PTPRN2: variants seen among roughly 807,000 people sequenced by gnomAD.
PTPRN2 encodes protein tyrosine phosphatase receptor type N2, also known as receptor-type tyrosine-protein phosphatase N2.
In PTPRN2, 74 loss-of-function variants were observed where a neutral mutation model predicts 118.8. That is an observed-to-expected ratio of 0.62 (90% confidence interval 0.52 to 0.76). PTPRN2 has a LOEUF of 0.76. PTPRN2 is among the 30% of genes least tolerant of loss of function. PTPRN2 has a pLI of 0.00. For missense variants in PTPRN2, 1,481 were observed against 1,394.4 expected, an observed-to-expected ratio of 1.06 and a Z score of -0.99; for synonymous variants, 641 against 608.0, an observed-to-expected ratio of 1.05 and a Z score of -0.80.
In PTPRN2 at chr7:157,990,784, G is replaced by A. The variant is rs137972377; in HGVS notation, c.1723+90514C>T. 0.014 allele frequency among the ~76,000 whole-genome samples: 2,084 copies of A among 152,212 alleles called. 46 individuals are homozygous for A. The highest frequency in any genetic ancestry group is 0.047 in the African/African-American group (1,947 of 41,530). On this transcript the variant is annotated intron_variant, in intron 11 of 22. Transcript: ENST00000389418. This position sits in a 1 kb window ranked among gnomAD's most constrained non-coding sequence, Gnocchi z 4.3. ...TGTCACCGAGCTTCCCTCCGATACA[G>A]TGGGAGGGAGGACTTGGCGCACAGT...
intron 1 of PTPRN2, among the ~76,000 whole-genome samples, chr7:158,511,034 T>C (rs1395044557): frequency 1.3e-5 from 2 of 152,180 alleles, no homozygotes; most frequent in Non-Finnish European, 2.9e-5. Context: ...CAATAGGTGA[T>C]TTGAATTTGT....
intron 12 of PTPRN2, among the ~76,000 whole-genome samples, chr7:157,830,046 C>A (rs1488470710): frequency 6.6e-6 from 1 of 151,834 alleles, no homozygotes; most frequent in Non-Finnish European, 1.5e-5. Flanking sequence ...TGTTACCACC[C>A]CCTCCTGCCC....
chr7:157,796,338 C>CG (rs1330796696), intron 12 of PTPRN2, among the ~76,000 whole-genome samples: 3 of 152,180 alleles, frequency 2.0e-5, no homozygotes, highest in African/African-American at 7.2e-5. Flanking sequence ...CACATTTTAC[C>CG]GGGATGGTGA....
At chr7:157,842,880 A>G (rs1808534624) in intron 12 of PTPRN2, among the ~76,000 whole-genome samples, 1 of 152,174 alleles carries the variant, frequency 6.6e-6, no homozygotes, top group African/African-American at 2.4e-5. Context: ...AATTAAATAT[A>G]TTAACAAGTC....
chr7:158,469,312 G>A (rs1819670381), intron 2 of PTPRN2, among the ~76,000 whole-genome samples: 1 of 152,124 alleles, frequency 6.6e-6, no homozygotes, highest in African/African-American at 2.4e-5. Flanking sequence ...GTGGTGGCAG[G>A]CACTTGTAAT....
chr7:158,227,255 G>A lies in PTPRN2; in HGVS notation c.278-21982C>T, dbSNP rs11972111. On this transcript the variant is annotated intron_variant, in intron 3 of 22. Transcript: ENST00000389418. Reference sequence around the variant, plus strand: ...AGGTGCTGAGCAGAGGAGCAAAATCGACAATAAAGACAGACAGCCCAAGGT... The same window carrying A: ...AGGTGCTGAGCAGAGGAGCAAAATCAACAATAAAGACAGACAGCCCAAGGT... 2.2e-3 allele frequency among the ~76,000 whole-genome samples: 340 copies of A among 152,232 alleles called. 3 individuals are homozygous for A. Among genetic ancestry groups the A allele is most frequent in the African/African-American group, 7.8e-3 (326 of 41,534 alleles).
chr7:158,150,266 C>G (rs982618566), intron 6 of PTPRN2, among the ~76,000 whole-genome samples: 2 of 152,232 alleles, frequency 1.3e-5, no homozygotes, highest in Non-Finnish European at 2.9e-5. Flanking sequence ...GATTTTTAAA[C>G]AAGTTGAATC....
intron 3 of PTPRN2, among the ~76,000 whole-genome samples, chr7:158,236,354 G>C (rs899061871): frequency 6.6e-6 from 1 of 152,024 alleles, no homozygotes; most frequent in Non-Finnish European, 1.5e-5. Flanking sequence ...TGCTCCCTTG[G>C]GGCATGAAGG....
chr7:158,308,935 T>C (rs939830916), intron 3 of PTPRN2, among the ~76,000 whole-genome samples: 3 of 151,698 alleles, frequency 2.0e-5, no homozygotes, highest in South Asian at 2.1e-4. Context: ...CAAGAAGAAA[T>C]AGAAAATTTG....
intron 11 of PTPRN2, among the ~76,000 whole-genome samples, chr7:158,043,589 A>G (rs1231781292): frequency 6.6e-6 from 1 of 152,268 alleles, no homozygotes. Context: ...GGTGGCAGAC[A>G]TGGCCGTGAA....
chr7:158,337,042 C>G (rs1378643257), intron 2 of PTPRN2, among the ~76,000 whole-genome samples: 1 of 75,380 alleles, frequency 1.3e-5, no homozygotes. Flanking sequence ...AGACATCACT[C>G]ACACCCACAC....
rs564616256 is a variant in PTPRN2 at position 158,011,878 on chromosome 7, G to A, written c.1723+69420C>T. On this transcript the variant is annotated intron_variant, in intron 11 of 22. Coordinates refer to ENST00000389418, the MANE Select transcript of PTPRN2 (RefSeq NM_002847.5). ...CAGCTGGATTAGTTGGTCATAGATT[G>A]TTATTTTACACTGAGGTGCTTTTTC... Among the ~76,000 whole-genome samples, 8 of 152,306 alleles carry A rather than the reference G, an allele frequency of 5.3e-5. No homozygotes were observed. In the South Asian group the frequency reaches 1.4e-3, roughly 28 times the overall value.
intron 4 of PTPRN2, among the ~76,000 whole-genome samples, chr7:158,204,544 A>T (rs10282471): frequency 0.31 from 46,571 of 151,548 alleles, 9,243 homozygotes; most frequent in African/African-American, 0.57. Context: ...GTTTTTTTTT[A>T]AAAAACATGA....
intron 11 of PTPRN2, among the ~76,000 whole-genome samples, chr7:158,069,107 G>A (rs1261556569): frequency 4.6e-5 from 7 of 152,196 alleles, no homozygotes; most frequent in Non-Finnish European, 7.3e-5. Context: ...AGACAGTCCA[G>A]GGAGGAGTGA....
chr7:158,177,813 T>C (rs1824350391), intron 5 of PTPRN2, among the ~76,000 whole-genome samples: 1 of 152,246 alleles, frequency 6.6e-6, no homozygotes, highest in Non-Finnish European at 1.5e-5. Flanking sequence ...GCATTTACTA[T>C]GAAAGCTACC....
At chr7:158,442,446 GT>G (rs1306165854) in intron 2 of PTPRN2, among the ~76,000 whole-genome samples, 1 of 152,138 alleles carries the variant, frequency 6.6e-6, no homozygotes, top group Non-Finnish European at 1.5e-5. Flanking sequence ...CCACTAGAGG[GT>G]TGGTTCACTA....
chr7:157,692,458 C>T (rs1797553556), intron 12 of PTPRN2, among the ~76,000 whole-genome samples: 1 of 152,246 alleles, frequency 6.6e-6, no homozygotes, highest in Non-Finnish European at 1.5e-5. Flanking sequence ...GGGGGCAGGG[C>T]TCAGAGGCGG....
intron 20 of PTPRN2, among the ~76,000 whole-genome samples, chr7:157,569,236 C>T (rs1056411223): frequency 4.6e-5 from 7 of 152,252 alleles, no homozygotes; most frequent in African/African-American, 1.7e-4. Context: ...TTGTTCCCCC[C>T]TCTTTGGCCA....
chr7:158,449,099 G>A (rs924776641), intron 2 of PTPRN2, among the ~76,000 whole-genome samples: 1 of 152,284 alleles, frequency 6.6e-6, no homozygotes, highest in South Asian at 2.1e-4. Flanking sequence ...TAGGGTCCAG[G>A]GACTTTCACA....
Sources: allele counts gnomAD v4.1 joint callset (sites outside exome capture counted in the v4.1 genomes callset), GRCh38; gene constraint gnomAD v4.1.1; non-coding constraint Gnocchi (gnomAD v3.1); transcripts MANE v1.5; gene names NCBI Gene and HGNC (gene_info 2026-07-23, HGNC 2026-07-21).